CPT1C: variants seen among roughly 807,000 people sequenced by gnomAD.
The protein encoded by CPT1C is carnitine palmitoyltransferase 1C, also known as palmitoyl thioesterase CPT1C.
Under a neutral mutation model 97.3 loss-of-function variants are expected in CPT1C, and 61 were observed. The observed-to-expected ratio is 0.63, with a 90% CI of 0.51 to 0.78. CPT1C has a LOEUF of 0.78. CPT1C is among the 30% of genes least tolerant of loss of function. The probability of loss-of-function intolerance (pLI) is 0.00; values close to 1 mark genes in which losing one functional copy is unlikely to be tolerated. For missense variants in CPT1C, 975 were observed against 1,065.5 expected, an observed-to-expected ratio of 0.92 and a Z score of 1.18; for synonymous variants, 469 against 447.2, an observed-to-expected ratio of 1.05 and a Z score of -0.61.
intron 16 of CPT1C, chr19:49,711,513 C>T: frequency 2.3e-6 from 1 of 425,538 alleles, no homozygotes; most frequent in Non-Finnish European, 4.3e-6. Context: ...CTGCCCTGCA[C>T]CTCTTCTCCC....
chr19:49,711,523 C>A, intron 16 of CPT1C: 1 of 453,004 alleles, frequency 2.2e-6, no homozygotes, highest in Non-Finnish European at 4.0e-6. Context: ...CCTCTTCTCC[C>A]TTGCCCTACA....
chr19:49,701,589 G>T lies in CPT1C; in HGVS notation c.648G>T (p.Leu216=), dbSNP rs1030051175. The change falls in exon 7 of 20, where the codon CTG becomes CTT. Residue 216 remains leucine (L), a synonymous_variant. Coordinates refer to ENST00000598293, the MANE Select transcript of CPT1C (RefSeq NM_001199753.2). ...AATTCCTGAGGCTGCAGGCGTCGCT[G>T]CTGCAGTGGTACCTGCGGCTCAAGT... is the stretch of plus-strand genomic sequence containing the variant. The part of the protein sequence containing the change: ...AQEFLRLQAS[L]LQWYLRLKSW... 1 of 1,611,648 alleles carries T rather than the reference G, an allele frequency of 6.2e-7. No individual in the cohort carries two copies. The highest frequency in any genetic ancestry group is 1.3e-5 in the African/African-American group (1 of 74,682).
At chr19:49,700,653 C>G in intron 4 of CPT1C, 31 bp from the exon 5 acceptor site, 1 of 1,598,980 alleles carries the variant, frequency 6.3e-7, no homozygotes, top group Non-Finnish European at 8.5e-7. Flanking sequence ...GCCAGGAGAC[C>G]CAGGCCCAGC....
chr19:49,701,051 C>T (rs1231179406), intron 5 of CPT1C, among the ~76,000 whole-genome samples, 196 bp downstream of exon 5: 1 of 115,474 alleles, frequency 8.7e-6, no homozygotes, highest in Non-Finnish European at 1.7e-5. Context: ...GTCCCCCTCT[C>T]TCTCTGTGTC....
chr19:49,701,213 C>T lies in CPT1C; in HGVS notation c.454-104C>T. ...CTTGGGGTCTCCGATGCTCTTAAGT[C>T]TCTGTGTCCTTCTCTTTGGGTTTCT... On this transcript the variant is annotated intron_variant, in intron 5 of 19. Coordinates refer to ENST00000598293, the MANE Select transcript of CPT1C (RefSeq NM_001199753.2). 4.4e-6 allele frequency: 4 copies of T among 904,912 alleles called. No homozygotes were observed. The South Asian group carries it at 4.8e-5, about 11-fold the overall frequency. 56.1% of individuals were successfully genotyped at this position (904,912 alleles called of 1,614,324 possible). A position where few individuals can be genotyped will look rare whatever the true frequency, so the allele number is the denominator to read the frequency against.
Position 49,713,007 on chromosome 19 carries a change from C to A in CPT1C, c.2169C>A (p.Phe723Leu), listed in dbSNP as rs770661784. The change falls in exon 19 of 20, where the codon TTC becomes TTA. Residue 723 changes from phenylalanine (F) to leucine (L), a missense_variant. This residue lies in a region of CPT1C where 344 missense variants were observed against 395.7 expected (regional missense o/e 0.87). Coordinates refer to ENST00000598293, the MANE Select transcript of CPT1C (RefSeq NM_001199753.2). Reference sequence around the variant, plus strand: ...ATGGTTATGGTGTTTCTTATATCTTCATGGGGGATGGCATGATCACCTTCC... The same window carrying A: ...ATGGTTATGGTGTTTCTTATATCTTAATGGGGGATGGCATGATCACCTTCC... ...DDHGYGVSYI[F>L]MGDGMITFHI... is the part of the protein sequence containing the mutation. 8.1e-6 allele frequency: 13 copies of A among 1,614,010 alleles called. No homozygotes were observed. Among genetic ancestry groups the A allele is most frequent in the Admixed American group, 6.7e-5 (4 of 59,994 alleles).
intron 3 of CPT1C, among the ~76,000 whole-genome samples, chr19:49,692,912 G>T (rs1472760021): frequency 3.3e-5 from 5 of 152,068 alleles, no homozygotes; most frequent in Non-Finnish European, 7.4e-5. Context: ...TTATTTATGA[G>T]ACAGAGTCTC....
Position 49,701,995 on chromosome 19 carries a change from A to ATAT in CPT1C, c.693+363_693+364insTTA, listed in dbSNP as rs1184593020. The stretch of plus-strand genomic sequence containing the variant: ...ATTTATAAATAAATATATAAATATT[A>ATAT]TAAATATATTAAATATATTTATTTA... On this transcript the variant is annotated intron_variant, in intron 7 of 19. Transcript: ENST00000598293. Among the ~76,000 whole-genome samples the ATAT allele has an allele frequency of 6.4e-5, 5 of 77,626 alleles. 1 individual carries two copies. The highest frequency in any genetic ancestry group is 2.1e-4 in the African/African-American group (4 of 19,366). 50.9% of individuals were successfully genotyped at this position (77,626 alleles called of 152,430 possible).
chr19:49,701,452 G>A (rs748214758), intron 6 of CPT1C, 34 bp downstream of exon 6: 2 of 1,586,192 alleles, frequency 1.3e-6, no homozygotes, highest in Non-Finnish European at 8.6e-7. Flanking sequence ...GGCTGGGGCG[G>A]CCGGGGCGGG....
intron 3 of CPT1C, among the ~76,000 whole-genome samples, chr19:49,695,584 C>CTTTT (rs71180646): frequency 1.1e-5 from 1 of 93,184 alleles, no homozygotes; most frequent in Non-Finnish European, 1.9e-5. Flanking sequence ...TGCACCTGGC[C>CTTTT]TTTTTTTTTT....
intron 4 of CPT1C, among the ~76,000 whole-genome samples, chr19:49,698,725 C>T (rs1465927556): frequency 1.3e-5 from 2 of 151,772 alleles, no homozygotes; most frequent in African/African-American, 4.8e-5. Flanking sequence ...GCAAGGATCT[C>T]ATCGTTGTTG....
At chr19:49,697,606 G>T (rs2082740119) in intron 4 of CPT1C, 141 bp downstream of exon 4, 1 of 1,032,156 alleles carries the variant, frequency 9.7e-7, no homozygotes. Flanking sequence ...GGCATGGCAT[G>T]AAGAAAAAGG....
chr19:49,701,539 G>T lies in CPT1C; in HGVS notation c.598G>T (p.Asp200Tyr). Residue 200 changes from aspartate to tyrosine, a missense_variant, in exon 7 of 20, where the codon GAC becomes TAC. Asp to Tyr is a radical substitution (Grantham distance 160). Around this residue, in one of 3 missense-constraint regions of CPT1C, gnomAD observed 596 missense variants for 603.1 expected, o/e 0.99. Coordinates refer to ENST00000598293, the MANE Select transcript of CPT1C (RefSeq NM_001199753.2). ...GCCCATCCTCTCCGACGAGGACTTC[G>T]ACTGGACCGCGGTCCTGGCGCAGGA... is the stretch of plus-strand genomic sequence containing the variant. ...VRPILSDEDF[D>Y]WTAVLAQEFL... 1 of 1,612,414 alleles carries T rather than the reference G, an allele frequency of 6.2e-7. No homozygotes were observed. The highest frequency in any genetic ancestry group is 8.5e-7 in the Non-Finnish European group (1 of 1,179,066).
At chr19:49,707,479 C>A in intron 12 of CPT1C, 39 bp from the exon 13 acceptor site, 1 of 1,465,020 alleles carries the variant, frequency 6.8e-7, no homozygotes, top group Non-Finnish European at 9.6e-7. Flanking sequence ...GTCCCCGTGC[C>A]CCTCGCTCTT....
In CPT1C at chr19:49,710,753, T is replaced by G. The variant is rs1373416480; in HGVS notation, c.1762T>G (p.Ser588Ala). 1 of 1,613,732 alleles carries G rather than the reference T, an allele frequency of 6.2e-7. No homozygotes were observed. Among genetic ancestry groups the G allele is most frequent in the East Asian group, 2.2e-5 (1 of 44,854 alleles). Residue 588 changes from serine (S) to alanine (A), a missense_variant, in exon 16 of 20, where the codon TCG (serine) becomes GCG (alanine). Transcript: ENST00000598293. ...DRGQFCLTYE[S>A]AMTRLFLEGR... ...GGGTCAATTCTGCCTGACTTATGAG[T>G]CGGCCATGACTCGCTTATTCCTGGA...
Position 49,711,697 on chromosome 19 carries a change from T to G in CPT1C, c.1867-112T>G, listed in dbSNP as rs2083897116. On this transcript the variant is annotated intron_variant, in intron 16 of 19. Transcript: ENST00000598293. ...CCCCATCTGTAAAATGGGGTTGATA[T>G]TCCCACCTTGCAGGGATGTGGCAAA... The G allele has an allele frequency of 3.5e-6, 4 of 1,134,258 alleles. No individual in the cohort carries two copies. The South Asian group carries it at 6.0e-5, about 17-fold the overall frequency. 70.3% of individuals were successfully genotyped at this position (1,134,258 alleles called of 1,614,324 possible).
Position 49,701,545 on chromosome 19 carries a change from A to G in CPT1C, c.604A>G (p.Thr202Ala). The change falls in exon 7 of 20, where the codon ACC becomes GCC. Residue 202 changes from threonine to alanine, a missense_variant. Physicochemically the swap from Thr to Ala is moderately conservative, Grantham distance 58. This residue lies in a region of CPT1C where 596 missense variants were observed against 603.1 expected (regional missense o/e 0.99). Coordinates refer to ENST00000598293, the MANE Select transcript of CPT1C (RefSeq NM_001199753.2). ...CCTCTCCGACGAGGACTTCGACTGG[A>G]CCGCGGTCCTGGCGCAGGAATTCCT... ...PILSDEDFDW[T>A]AVLAQEFLRL... 2 of 1,611,728 alleles carry G rather than the reference A, an allele frequency of 1.2e-6. No individual in the cohort carries two copies.
In CPT1C at chr19:49,712,751, T is replaced by A. The variant is rs762980075; in HGVS notation, c.2035T>A (p.Trp679Arg). 3 of 1,613,764 alleles carry A rather than the reference T, an allele frequency of 1.9e-6. No individual in the cohort carries two copies. The highest frequency in any genetic ancestry group is 1.1e-5 in the South Asian group (1 of 91,066). Residue 679 changes from tryptophan to arginine, a missense_variant, in exon 18 of 20, where the codon TGG becomes AGG. Physicochemically the swap from Trp to Arg is moderately radical, Grantham distance 101. Coordinates refer to ENST00000598293, the MANE Select transcript of CPT1C (RefSeq NM_001199753.2). ...CTGTCCTCAGGTCCATTCGGAGCAG[T>A]GGCAGCTGTCCACCAGCCAGATCCC... ...PFLTQVHSEQ[W>R]QLSTSQIPVQ...
rs2083433788 is a variant in CPT1C at position 49,705,207 on chromosome 19, C to T, written c.880-7C>T. 1.9e-6 allele frequency: 3 copies of T among 1,614,014 alleles called. No individual in the cohort carries two copies. The highest frequency in any genetic ancestry group is 2.5e-6 in the Non-Finnish European group (3 of 1,180,016). On this transcript the variant is annotated splice_region_variant and splice_polypyrimidine_tract_variant and intron_variant, in intron 9 of 19. Transcript: ENST00000598293. Reference sequence around the variant, plus strand: ...GAAGGCAGCTCACAGCCCACGGTTTCCTGCAGACTTTGCTGATGGGAATGC... The same window carrying T: ...GAAGGCAGCTCACAGCCCACGGTTTTCTGCAGACTTTGCTGATGGGAATGC...
Sources: allele counts gnomAD v4.1 joint callset (sites outside exome capture counted in the v4.1 genomes callset), GRCh38; gene constraint gnomAD v4.1.1; regional missense constraint gnomAD v4.1.1; transcripts MANE v1.5; gene names NCBI Gene and HGNC (gene_info 2026-07-23, HGNC 2026-07-21).